TLK1: variants seen among roughly 807,000 people sequenced by gnomAD.
The protein encoded by TLK1 is tousled like kinase 1.
TLK1 carries 24 observed loss-of-function variants against 105.3 expected under a neutral mutation model. That is an observed-to-expected ratio of 0.23 (90% CI 0.17 to 0.32). TLK1 has a LOEUF of 0.32. Among genes scored for constraint, TLK1 ranks in the 10% least tolerant of loss-of-function variants. The probability of loss-of-function intolerance (pLI) is 1.00; values close to 1 mark genes in which losing one functional copy is unlikely to be tolerated. For synonymous variants in TLK1, 321 were observed against 310.4 expected (o/e 1.03, Z -0.36); for missense variants, 558 against 910.5 (o/e 0.61, Z 4.98).
In TLK1 at chr2:170,992,978, T is replaced by C. The variant is rs1411622988; in HGVS notation, c.*802A>G. On this transcript the variant is annotated 3_prime_UTR_variant, in exon 21 of 21. Transcript: ENST00000431350. The stretch of plus-strand genomic sequence containing the variant: ...GGTTACTCACTGTCACCTGTTTTGA[T>C]GAACAAGGCCTGGTAACAAAAGAAA... 1 of 152,630 alleles carries C rather than the reference T, an allele frequency of 6.6e-6. No individual in the cohort carries two copies. Among genetic ancestry groups the C allele is most frequent in the African/African-American group, 2.4e-5 (1 of 41,462 alleles). The allele number at this position is 152,630 out of a possible 1,614,324, so 9.5% of individuals were successfully genotyped here.
intron 8 of TLK1, among the ~76,000 whole-genome samples, chr2:171,053,248 C>T (rs1296563895): frequency 6.6e-6 from 1 of 152,066 alleles, no homozygotes; most frequent in East Asian, 1.9e-4. Flanking sequence ...TCCAGTTCTC[C>T]AACAGTTTCT....
intron 1 of TLK1, among the ~76,000 whole-genome samples, chr2:171,170,413 C>T (rs769861758): frequency 6.6e-6 from 1 of 152,174 alleles, no homozygotes; most frequent in Non-Finnish European, 1.5e-5. Context: ...AGAACCACTA[C>T]CTCACTGTAT....
intron 2 of TLK1, among the ~76,000 whole-genome samples, chr2:171,100,854 CA>C (rs150945078): frequency 0.013 from 1,947 of 152,182 alleles, 33 homozygotes; most frequent in African/African-American, 0.041. Context: ...CATATGTCTA[CA>C]AAAAATTTCT....
chr2:171,216,152 C>T (rs1282067932), intron 1 of TLK1, among the ~76,000 whole-genome samples: 4 of 152,106 alleles, frequency 2.6e-5, no homozygotes, highest in African/African-American at 9.7e-5. Context: ...AATTCTGGCT[C>T]CAGAGTTGCA....
At chr2:171,163,302 T>C (rs1692549977), upstream of TLK1, among the ~76,000 whole-genome samples, 1 of 152,248 alleles carries the variant, frequency 6.6e-6, no homozygotes, top group Non-Finnish European at 1.5e-5. Context: ...TACAAGTCTT[T>C]CTGTGGACAT....
intron 11 of TLK1, 53 bp from the exon 12 acceptor site, chr2:171,028,458 TAAC>T (rs1432372964): frequency 1.7e-6 from 2 of 1,194,130 alleles, no homozygotes; most frequent in South Asian, 1.3e-5. Flanking sequence ...CTTAGTTTAT[TAAC>T]AACTAGCAAA....
rs538875398 is a variant in TLK1 at position 171,177,535 on chromosome 2, T to C, written c.-6+53610A>G. Among the ~76,000 whole-genome samples the C allele has an allele frequency of 5.3e-5, 8 of 152,178 alleles. 1 individual carries two copies. The highest frequency in any genetic ancestry group is 1.9e-4 in the African/African-American group (8 of 41,534). ...TCGGCATACAGAATCCTAAGTGTCT[T>C]GAGAGGAGGGAAGGGCATGGTTATT... On this transcript the variant is annotated intron_variant, in intron 1 of 20. Coordinates refer to the TLK1 transcript ENST00000521943.
chr2:171,202,667 T>C (rs556328634), intron 1 of TLK1, among the ~76,000 whole-genome samples: 275 of 151,820 alleles, frequency 1.8e-3, no homozygotes, highest in African/African-American at 6.2e-3. Context: ...TGAGGCAGGA[T>C]AATGGCTTGA....
At position 171,127,928 on chromosome 2, in the gene TLK1, G is replaced by A. The variant is rs963921882; in HGVS notation, c.140-10071C>T. Among the ~76,000 whole-genome samples the A allele has an allele frequency of 2.0e-4, 31 of 151,948 alleles. No homozygotes were observed. In the South Asian group the frequency reaches 3.5e-3, roughly 17 times the overall value. ...ACATAAACACAGACACACACTTTCCGAAGATTTCACCCAAATGTCTGACAA... is the reference window on the plus strand; with the variant it reads ...ACATAAACACAGACACACACTTTCCAAAGATTTCACCCAAATGTCTGACAA... On this transcript the variant is annotated intron_variant, in intron 1 of 20. Coordinates refer to ENST00000431350, the MANE Select transcript of TLK1 (RefSeq NM_012290.5).
intron 1 of TLK1, among the ~76,000 whole-genome samples, chr2:171,192,706 G>C (rs73017290): frequency 0.11 from 16,466 of 151,942 alleles, 1,332 homozygotes; most frequent in African/African-American, 0.23. Context: ...AAAAAATAAA[G>C]AAGAAGTATT....
chr2:171,046,626 C>G (rs1237031219), intron 10 of TLK1, among the ~76,000 whole-genome samples: 1 of 152,140 alleles, frequency 6.6e-6, no homozygotes, highest in Non-Finnish European at 1.5e-5. Flanking sequence ...CCCCACCTCA[C>G]TCTTTCTAAT....
intron 7 of TLK1, 61 bp downstream of exon 7, chr2:171,055,022 T>C: frequency 1.1e-6 from 1 of 928,640 alleles, no homozygotes; most frequent in African/African-American, 1.7e-5. Flanking sequence ...TCTTAGTTGT[T>C]AGTAAGTTAG....
chr2:171,170,907 G>C (rs764692854), intron 1 of TLK1, among the ~76,000 whole-genome samples: 2 of 152,110 alleles, frequency 1.3e-5, no homozygotes, highest in African/African-American at 2.4e-5. Flanking sequence ...CAGTGAAGTG[G>C]GGTAAAGAAT....
At chr2:171,200,697 A>C (rs1190897411) in intron 1 of TLK1, among the ~76,000 whole-genome samples, 2 of 152,202 alleles carry the variant, frequency 1.3e-5, no homozygotes, top group African/African-American at 2.4e-5. Flanking sequence ...TGGGCAATAT[A>C]GTGAGACCCC....
intron 1 of TLK1, among the ~76,000 whole-genome samples, chr2:171,158,345 A>ATAAT (rs1692315728): frequency 3.9e-5 from 6 of 152,202 alleles, no homozygotes; most frequent in African/African-American, 1.4e-4. Context: ...CTGTAATCTA[A>ATAAT]ACTGCCGGAA....
chr2:171,103,971 G>T (rs1689806365), intron 2 of TLK1, among the ~76,000 whole-genome samples: 3 of 152,156 alleles, frequency 2.0e-5, no homozygotes, highest in Admixed American at 2.0e-4. Flanking sequence ...CACCAACAAT[G>T]AACTAGCAGA....
chr2:171,115,170 C>CTTTT lies in TLK1; in HGVS notation c.258+2568_258+2569insAAAA, dbSNP rs373796060. Among the ~76,000 whole-genome samples, 406 of 135,744 alleles carry CTTTT rather than the reference C, an allele frequency of 3.0e-3. 25 individuals are homozygous for CTTTT. The highest frequency in any genetic ancestry group is 0.01 in the African/African-American group (336 of 33,148). The allele number at this position is 135,744 out of a possible 152,430, so 89.1% of individuals were successfully genotyped here. A position where few individuals can be genotyped will look rare whatever the true frequency, so the allele number is the denominator to read the frequency against. On this transcript the variant is annotated intron_variant, in intron 2 of 20. Coordinates refer to ENST00000431350, the MANE Select transcript of TLK1 (RefSeq NM_012290.5). Reference sequence around the variant, plus strand: ...ATCTTGCTTCATCTTTTAAGAATTTCTTTCTTTTTTTTTTTTTTGAGACTG... The same window carrying CTTTT: ...ATCTTGCTTCATCTTTTAAGAATTTCTTTTTTTCTTTTTTTTTTTTTTGAGACTG...
chr2:171,160,390 C>T lies in TLK1; in HGVS notation c.39G>A (p.Pro13=). ...ACGTGGAGAGCTGGGACCAAGATGG[C>T]GGCCCCTCCAAACTTCCACTGCTAC... The part of the protein sequence containing the change: ...VQSSSGSLEG[P]PSWSQLSTSP... The change falls in exon 1 of 21, where the codon CCG becomes CCA. Residue 13 remains proline, a synonymous_variant. Coordinates refer to ENST00000431350, the MANE Select transcript of TLK1 (RefSeq NM_012290.5). The surrounding 1 kb of genome is among the most constrained non-coding windows in gnomAD (Gnocchi z 4.4). The T allele has an allele frequency of 1.2e-6, 2 of 1,603,876 alleles. No homozygotes were observed. Among genetic ancestry groups the T allele is most frequent in the Non-Finnish European group, 1.7e-6 (2 of 1,175,794 alleles).
intron 1 of TLK1, among the ~76,000 whole-genome samples, chr2:171,150,662 G>A (rs1054723040): frequency 6.6e-6 from 1 of 152,178 alleles, no homozygotes; most frequent in Non-Finnish European, 1.5e-5. Context: ...TAAGCTAAAG[G>A]TATATGTCTG....
Sources: gnomAD v4.1 joint callset for allele counts (sites outside exome capture counted in the v4.1 genomes callset) on GRCh38, gnomAD v4.1.1 for gene constraint, Gnocchi (gnomAD v3.1) non-coding constraint, MANE v1.5 for transcripts, NCBI Gene and HGNC (gene_info 2026-07-23, HGNC 2026-07-21) for gene names.